The following COL4A1 variants were observed in gnomAD, a reference collection of about 807,000 sequenced individuals.
The protein encoded by COL4A1 is collagen alpha-1(IV) chain.
In COL4A1, 40 loss-of-function variants were observed where a neutral mutation model predicts 216.6. The observed-to-expected ratio is 0.18, with a 90% confidence interval of 0.14 to 0.24. The LOEUF (loss-of-function observed/expected upper bound fraction) is 0.24. Among genes scored for constraint, COL4A1 ranks in the 10% least tolerant of loss-of-function variants. COL4A1 has a pLI of 1.00. For synonymous variants in COL4A1, 839 were observed against 810.7 expected (o/e 1.03, Z -0.59); for missense variants, 1,628 against 2,196.8 (o/e 0.74, Z 5.18).
chr13:110,245,342 C>G (rs986631541), intron 1 of COL4A1, among the ~76,000 whole-genome samples: 13 of 152,336 alleles, frequency 8.5e-5, no homozygotes, highest in African/African-American at 3.1e-4. Flanking sequence ...AAACACATCT[C>G]TGTTCTTTAA....
At chr13:110,264,816 T>C (rs1397310434) in intron 1 of COL4A1, among the ~76,000 whole-genome samples, 1 of 152,108 alleles carries the variant, frequency 6.6e-6, no homozygotes. Flanking sequence ...ACTCAGGGGT[T>C]GATGGGGGGA....
chr13:110,204,854 C>T (rs915941923), intron 17 of COL4A1, among the ~76,000 whole-genome samples: 1 of 152,010 alleles, frequency 6.6e-6, no homozygotes, highest in Non-Finnish European at 1.5e-5. Flanking sequence ...TGGAAATGGC[C>T]TAAATACCAC....
At chr13:110,248,713 G>C (rs1881946957) in intron 1 of COL4A1, among the ~76,000 whole-genome samples, 1 of 151,984 alleles carries the variant, frequency 6.6e-6, no homozygotes. Flanking sequence ...AGGCTGGTTC[G>C]AACTCCTGGC....
intron 51 of COL4A1, 53 bp from the exon 52 acceptor site, chr13:110,150,497 A>C: frequency 6.4e-7 from 1 of 1,558,934 alleles, no homozygotes; most frequent in East Asian, 2.3e-5. Flanking sequence ...AGCACGTCAG[A>C]AACATGGCAC....
At chr13:110,297,270 T>C (rs2139318950) in intron 1 of COL4A1, among the ~76,000 whole-genome samples, 2 of 152,252 alleles carry the variant, frequency 1.3e-5, no homozygotes, top group South Asian at 4.2e-4. Flanking sequence ...CAAAGACACT[T>C]ATCACTTCGG....
chr13:110,214,139 G>C, intron 2 of COL4A1, 124 bp from the exon 3 acceptor site: 1 of 795,486 alleles, frequency 1.3e-6, no homozygotes. Flanking sequence ...TGTTGCCCAG[G>C]CTGGAGTGCA....
chr13:110,201,612 T>C, intron 18 of COL4A1, 90 bp from the exon 19 acceptor site: 2 of 1,106,856 alleles, frequency 1.8e-6, no homozygotes, highest in Non-Finnish European at 2.8e-6. Context: ...AATGTACATA[T>C]TTGTTTTTAT....
intron 2 of COL4A1, among the ~76,000 whole-genome samples, chr13:110,220,591 T>C (rs1376485629): frequency 6.6e-6 from 1 of 152,194 alleles, no homozygotes; most frequent in East Asian, 1.9e-4. Flanking sequence ...AGCTGTTCTA[T>C]TTCTAGGAGA....
intron 46 of COL4A1, 98 bp downstream of exon 46, chr13:110,164,764 T>G: frequency 6.6e-7 from 1 of 1,514,994 alleles, no homozygotes; most frequent in Non-Finnish European, 8.9e-7. Flanking sequence ...GTATAATCAT[T>G]ACCCAGAAAC....
intron 1 of COL4A1, among the ~76,000 whole-genome samples, chr13:110,269,248 CAT>C (rs1185502944): frequency 1.3e-5 from 2 of 152,154 alleles, no homozygotes; most frequent in Admixed American, 6.5e-5. Context: ...GGGCTCGAAG[CAT>C]ATGTTAAAAC....
chr13:110,179,099 A>T, intron 30 of COL4A1, 63 bp from the exon 31 acceptor site: 11 of 1,549,766 alleles, frequency 7.1e-6, no homozygotes, highest in Non-Finnish European at 9.8e-6. Context: ...GGCCTAGGAG[A>T]CCCATGCACA....
intron 1 of COL4A1, among the ~76,000 whole-genome samples, chr13:110,274,071 T>G (rs1883347393): frequency 6.6e-6 from 1 of 152,204 alleles, no homozygotes; most frequent in African/African-American, 2.4e-5. Flanking sequence ...TGATAAATAT[T>G]TATTAAATGC....
intron 50 of COL4A1, among the ~76,000 whole-genome samples, chr13:110,153,066 G>A (rs556411516): frequency 6.6e-6 from 1 of 152,266 alleles, no homozygotes; most frequent in South Asian, 2.1e-4. Flanking sequence ...GGTTTAAGTA[G>A]GACCTTCCTG....
chr13:110,303,072 T>C (rs1884557107), intron 1 of COL4A1, among the ~76,000 whole-genome samples: 1 of 152,220 alleles, frequency 6.6e-6, no homozygotes, highest in Non-Finnish European at 1.5e-5. Context: ...GTTCCATTTG[T>C]CTGCAAAATC....
intron 2 of COL4A1, among the ~76,000 whole-genome samples, chr13:110,224,891 G>A (rs9515169): frequency 0.19 from 28,526 of 151,826 alleles, 2,757 homozygotes; most frequent in Middle Eastern, 0.26. Flanking sequence ...TTTTTGGTCT[G>A]TGATAAAAGT....
intron 1 of COL4A1, among the ~76,000 whole-genome samples, chr13:110,287,262 G>A (rs1348067156): frequency 6.6e-6 from 1 of 152,132 alleles, no homozygotes; most frequent in African/African-American, 2.4e-5. Context: ...ATTCCTTTAG[G>A]CCGCATGACA....
intron 1 of COL4A1, among the ~76,000 whole-genome samples, chr13:110,252,793 G>C (rs1193932381): frequency 1.7e-5 from 2 of 120,188 alleles, no homozygotes; most frequent in South Asian, 5.4e-4. Context: ...TTATAAGTAT[G>C]TATTACATAT....
intron 41 of COL4A1, among the ~76,000 whole-genome samples, chr13:110,172,397 A>G (rs1398113672): frequency 6.6e-6 from 1 of 152,224 alleles, no homozygotes; most frequent in Non-Finnish European, 1.5e-5. Flanking sequence ...AACCAGTTCT[A>G]GAAAGTCAGA....
intron 42 of COL4A1, 45 bp downstream of exon 42, chr13:110,170,502 T>A: frequency 6.4e-7 from 1 of 1,550,482 alleles, no homozygotes. Flanking sequence ...CTTTTGTGAA[T>A]TCTGTCCCAG....
Sources: allele counts gnomAD v4.1 joint callset (sites outside exome capture counted in the v4.1 genomes callset), GRCh38; gene constraint gnomAD v4.1.1; transcripts MANE v1.5; gene names NCBI Gene and HGNC (gene_info 2026-07-23, HGNC 2026-07-21).